The following FOXO3 variants were observed in gnomAD, a reference collection of about 807,000 sequenced individuals.
FOXO3 encodes the protein forkhead box protein O3.
FOXO3 carries 4 observed loss-of-function variants against 41.9 expected under a neutral mutation model. The observed-to-expected ratio is 0.10, with a 90% CI of 0.05 to 0.22. The LOEUF is 0.22. FOXO3 is among the 10% of genes least tolerant of loss of function. The probability of loss-of-function intolerance (pLI) is 1.00; values close to 1 mark genes in which losing one functional copy is unlikely to be tolerated. For synonymous variants in FOXO3, 318 were observed against 389.3 expected (o/e 0.82, Z 2.16); for missense variants, 534 against 906.8 (o/e 0.59, Z 5.28).
chr6:108,590,619 A>C (rs1184409957), intron 1 of FOXO3, among the ~76,000 whole-genome samples: 1 of 152,174 alleles, frequency 6.6e-6, no homozygotes, highest in Non-Finnish European at 1.5e-5. Context: ...GAAATCTGAA[A>C]CACTTCCAGG....
intron 1 of FOXO3, among the ~76,000 whole-genome samples, chr6:108,585,939 T>A (rs1776569209): frequency 6.6e-6 from 1 of 152,156 alleles, no homozygotes; most frequent in Admixed American, 6.5e-5. Flanking sequence ...GGAAGAGAGA[T>A]GAGGGACACA....
intron 1 of FOXO3, among the ~76,000 whole-genome samples, chr6:108,646,943 A>G (rs185896200): frequency 1.4e-4 from 22 of 152,316 alleles, no homozygotes; most frequent in African/African-American, 5.1e-4. Context: ...CCTTCTTATG[A>G]TCTGATGTGA....
At chr6:108,669,561 T>C (rs921161328) in intron 2 of FOXO3, among the ~76,000 whole-genome samples, 5 of 152,240 alleles carry the variant, frequency 3.3e-5, no homozygotes, top group Non-Finnish European at 7.3e-5. Context: ...TGAAGAATTC[T>C]GCATCTTCAG....
intron 1 of FOXO3, among the ~76,000 whole-genome samples, chr6:108,645,734 T>C (rs1335108138): frequency 2.6e-5 from 4 of 152,156 alleles, no homozygotes. Flanking sequence ...GTATAGAATA[T>C]AGGCACATAA....
intron 2 of FOXO3, among the ~76,000 whole-genome samples, chr6:108,669,614 C>G (rs1779157220): frequency 6.6e-6 from 1 of 152,126 alleles, no homozygotes; most frequent in African/African-American, 2.4e-5. Context: ...AAAGTCTGAA[C>G]TGTCATTCAG....
Position 108,668,897 on chromosome 6 carries a change from C to T in FOXO3, c.*34+4008C>T, listed in dbSNP as rs575346674. Among the ~76,000 whole-genome samples the T allele has an allele frequency of 7.0e-4, 107 of 152,210 alleles. 1 individual carries two copies. Among genetic ancestry groups the T allele is most frequent in the African/African-American group, 2.4e-3 (101 of 41,528 alleles). On this transcript the variant is annotated intron_variant, in intron 2 of 2. Transcript: ENST00000406360. ...ATCCCAGCACTTTGGGAGGCCGAGACGGGTGGATCATGAGGTCAGGAGATC... is the reference window on the plus strand; with the variant it reads ...ATCCCAGCACTTTGGGAGGCCGAGATGGGTGGATCATGAGGTCAGGAGATC...
chr6:108,629,006 T>TA (rs1777886887), intron 1 of FOXO3, among the ~76,000 whole-genome samples: 1 of 152,106 alleles, frequency 6.6e-6, no homozygotes, highest in South Asian at 2.1e-4. Flanking sequence ...GAAACCTCCT[T>TA]AGGAGCTTAC....
chr6:108,569,575 A>G (rs1272132632), intron 1 of FOXO3, among the ~76,000 whole-genome samples: 2 of 152,166 alleles, frequency 1.3e-5, no homozygotes, highest in East Asian at 3.9e-4. Context: ...CTCAGTTACT[A>G]CTATGGAATA....
chr6:108,619,161 A>G (rs751689864), intron 1 of FOXO3, among the ~76,000 whole-genome samples: 2 of 152,182 alleles, frequency 1.3e-5, no homozygotes, highest in Admixed American at 1.3e-4. Context: ...ATCTGCTACT[A>G]TATTACTCTT....
At chr6:108,617,880 C>G (rs12202234) in intron 1 of FOXO3, 29,775 of 331,442 alleles carry the variant, frequency 0.09, 1,622 homozygotes, top group East Asian at 0.14. Context: ...AATGAACAAA[C>G]AGAGAAAACT....
chr6:108,560,705 G>A (rs1775749845), upstream of FOXO3, among the ~76,000 whole-genome samples: 1 of 152,052 alleles, frequency 6.6e-6, no homozygotes, highest in Admixed American at 6.5e-5. Flanking sequence ...ACGCACACCC[G>A]AGCTCGGGCT....
intron 1 of FOXO3, among the ~76,000 whole-genome samples, chr6:108,652,774 C>G (rs1056899474): frequency 6.6e-6 from 1 of 152,206 alleles, no homozygotes. Flanking sequence ...TGGGATTTCT[C>G]TTGTTACCTA....
chr6:108,659,149 TA>T (rs1159679170), intron 1 of FOXO3, among the ~76,000 whole-genome samples: 4 of 152,166 alleles, frequency 2.6e-5, no homozygotes, highest in Non-Finnish European at 2.9e-5. Context: ...TGTCCCAAAG[TA>T]CTGGAATTAT....
intron 1 of FOXO3, among the ~76,000 whole-genome samples, chr6:108,619,694 C>T (rs1207112676): frequency 6.6e-6 from 1 of 152,124 alleles, no homozygotes; most frequent in South Asian, 2.1e-4. Flanking sequence ...TGGACTGAAC[C>T]ATGCTTGCCC....
intron 1 of FOXO3, among the ~76,000 whole-genome samples, chr6:108,576,646 A>G (rs781298428): frequency 2.0e-5 from 3 of 152,234 alleles, no homozygotes; most frequent in Non-Finnish European, 4.4e-5. Context: ...CATCAGCCAA[A>G]AAAAAATTTA....
At chr6:108,571,499 C>T (rs370458019) in intron 1 of FOXO3, among the ~76,000 whole-genome samples, 6 of 152,122 alleles carry the variant, frequency 3.9e-5, no homozygotes, top group African/African-American at 1.2e-4. Context: ...GAAGTCATAT[C>T]GGCTTAGGGT....
intron 2 of FOXO3, among the ~76,000 whole-genome samples, chr6:108,675,444 A>G (rs72944329): frequency 0.022 from 3,299 of 152,264 alleles, 53 homozygotes; most frequent in South Asian, 0.051. Context: ...AAGCCCAGGA[A>G]TTACTGGGAG....
At chr6:108,657,775 T>C (rs1255517086) in intron 1 of FOXO3, among the ~76,000 whole-genome samples, 1 of 152,216 alleles carries the variant, frequency 6.6e-6, no homozygotes, top group Non-Finnish European at 1.5e-5. Context: ...TCACCATTAA[T>C]TTTTGATACC....
intron 2 of FOXO3, among the ~76,000 whole-genome samples, chr6:108,667,663 T>C (rs977828254): frequency 6.6e-6 from 1 of 152,246 alleles, no homozygotes; most frequent in African/African-American, 2.4e-5. Flanking sequence ...ATTTTGGTGA[T>C]GATAATAAAT....
Sources: gnomAD v4.1 joint callset for allele counts (sites outside exome capture counted in the v4.1 genomes callset) on GRCh38, gnomAD v4.1.1 for gene constraint, MANE v1.5 for transcripts, NCBI Gene and HGNC (gene_info 2026-07-23, HGNC 2026-07-21) for gene names.